The following BMP2K variants were observed in gnomAD, a reference collection of about 807,000 sequenced individuals.
The protein encoded by BMP2K is BMP2 inducible kinase.
BMP2K carries 74 observed loss-of-function variants against 116.0 expected under a neutral mutation model. The observed-to-expected ratio is 0.64, with a 90% CI of 0.53 to 0.77. BMP2K has a LOEUF of 0.77. Ranked by LOEUF, BMP2K falls within the 30% of genes least tolerant of loss-of-function variation. The pLI, the probability that BMP2K is intolerant of heterozygous loss-of-function variation, is 0.00. For missense variants in BMP2K, 1,365 were observed against 1,403.6 expected (o/e 0.97, Z 0.44); for synonymous variants, 486 against 502.5 (o/e 0.97, Z 0.44).
At chr4:78,871,485 G>A (rs984081960) in intron 11 of BMP2K, among the ~76,000 whole-genome samples, 1 of 152,144 alleles carries the variant, frequency 6.6e-6, no homozygotes, top group Non-Finnish European at 1.5e-5. Flanking sequence ...TAGTAAGTAG[G>A]TGGTACCATG....
At chr4:78,893,780 G>A (rs1012578286) in intron 15 of BMP2K, among the ~76,000 whole-genome samples, 6 of 152,122 alleles carry the variant, frequency 3.9e-5, no homozygotes, top group African/African-American at 7.2e-5. Flanking sequence ...GCCCAGGTTC[G>A]TCTTGAACTC....
intron 14 of BMP2K, among the ~76,000 whole-genome samples, chr4:78,886,387 C>A (rs916309860): frequency 6.6e-6 from 1 of 152,176 alleles, no homozygotes; most frequent in African/African-American, 2.4e-5. Context: ...TCCTCAATTC[C>A]TGTTTCCCTG....
chr4:78,800,858 T>C (rs1019479511), intron 1 of BMP2K, among the ~76,000 whole-genome samples: 7 of 152,180 alleles, frequency 4.6e-5, no homozygotes, highest in African/African-American at 1.7e-4. Context: ...CAAATGTAAA[T>C]ACCGAAATTG....
At position 78,785,265 on chromosome 4, in the gene BMP2K, C is replaced by G. The variant is rs1727678478; in HGVS notation, c.178+8544C>G. 2.6e-5 allele frequency among the ~76,000 whole-genome samples: 4 copies of G among 152,024 alleles called. No individual in the cohort carries two copies. In the South Asian group the frequency reaches 8.3e-4, roughly 32 times the overall value. On this transcript the variant is annotated intron_variant, in intron 1 of 15. Transcript: ENST00000502613. ...AGCTGGGATTACAGGTTCTTGCCACCACACCTGGCTAATTTTTGTATTTTT... is the reference window on the plus strand; with the variant it reads ...AGCTGGGATTACAGGTTCTTGCCACGACACCTGGCTAATTTTTGTATTTTT...
intron 4 of BMP2K, among the ~76,000 whole-genome samples, chr4:78,843,370 A>G (rs1730850536): frequency 6.6e-6 from 1 of 151,280 alleles, no homozygotes; most frequent in Non-Finnish European, 1.5e-5. Context: ...TATGCCTATT[A>G]TTTATTTCCT....
At chr4:78,909,356 A>G (rs1734458001) in intron 15 of BMP2K, among the ~76,000 whole-genome samples, 1 of 84,058 alleles carries the variant, frequency 1.2e-5, no homozygotes, top group African/African-American at 4.2e-5. Flanking sequence ...TTTTCTATAG[A>G]GCAGTCATTT....
intron 15 of BMP2K, among the ~76,000 whole-genome samples, chr4:78,895,799 T>A (rs541410163): frequency 1.5e-3 from 221 of 152,280 alleles, no homozygotes; most frequent in African/African-American, 5.1e-3. Flanking sequence ...TTTTGCTTTT[T>A]TGCCCAGGCT....
chr4:78,825,717 G>A lies in BMP2K; in HGVS notation c.179-320G>A, dbSNP rs867446689. On this transcript the variant is annotated intron_variant, in intron 1 of 15. Coordinates refer to ENST00000502613, the MANE Select transcript of BMP2K (RefSeq NM_198892.2). ...GATTCTGATATGTAGGCAGTCACTT[G>A]TATATACCAAACTTTAGTAACATAA... Among the ~76,000 whole-genome samples, 8 of 152,188 alleles carry A rather than the reference G, an allele frequency of 5.3e-5. No individual in the cohort carries two copies. In the South Asian group the frequency reaches 6.2e-4, roughly 12 times the overall value.
rs1222694759 is a variant in BMP2K, at chr4:78,887,175, T to C, written c.1953T>C (p.Asn651=). The C allele has an allele frequency of 1.9e-6, 3 of 1,587,888 alleles. No homozygotes were observed. The highest frequency in any genetic ancestry group is 2.6e-6 in the Non-Finnish European group (3 of 1,164,694). ...LDREFDLLRS[N]RLEERASSDK... is the part of the protein sequence containing the mutation. Reference sequence around the variant, plus strand: ...TTTCGTTTCATCTTATTTTTGCAGATAGGCTCGAGGAGAGAGCATCCTCAG... The same window carrying C: ...TTTCGTTTCATCTTATTTTTGCAGACAGGCTCGAGGAGAGAGCATCCTCAG... Residue 651 remains asparagine, a splice_region_variant and synonymous_variant, in exon 15 of 16, where the codon AAT becomes AAC. Transcript: ENST00000502613.
chr4:78,820,632 C>T (rs746264226), intron 1 of BMP2K: 4 of 153,166 alleles, frequency 2.6e-5, no homozygotes, highest in African/African-American at 7.2e-5. Context: ...AGTGCAATGG[C>T]GTGATCGTGG....
chr4:78,908,921 G>A (rs1180979291), intron 15 of BMP2K, among the ~76,000 whole-genome samples: 1 of 151,946 alleles, frequency 6.6e-6, no homozygotes, highest in African/African-American at 2.4e-5. Flanking sequence ...CATCCACCAA[G>A]AGTTTTCAAT....
chr4:78,911,126 C>T lies in BMP2K; in HGVS notation c.2579C>T (p.Ala860Val). ...TPKQEFDVFGAVPFFAVRAQQ... is the reference protein window; with the variant it reads ...TPKQEFDVFGVVPFFAVRAQQ... ...AAACAGGAGTTTGATGTATTTGGCGCTGTCCCCTTCTTTGCAGTGCGTGCT... is the reference window on the plus strand; with the variant it reads ...AAACAGGAGTTTGATGTATTTGGCGTTGTCCCCTTCTTTGCAGTGCGTGCT... Residue 860 changes from alanine to valine, a missense_variant, in exon 16 of 16, where the codon GCT becomes GTT. Coordinates refer to ENST00000502613, the MANE Select transcript of BMP2K (RefSeq NM_198892.2). The T allele has an allele frequency of 1.2e-6, 2 of 1,614,000 alleles. No homozygotes were observed. Among genetic ancestry groups the T allele is most frequent in the South Asian group, 1.1e-5 (1 of 91,090 alleles).
chr4:78,813,272 C>T (rs1560511294), intron 1 of BMP2K, among the ~76,000 whole-genome samples: 1 of 152,176 alleles, frequency 6.6e-6, no homozygotes, highest in Non-Finnish European at 1.5e-5. Context: ...CACTAATTCC[C>T]ACTGCCCTGA....
At chr4:78,795,324 C>T (rs1179839831) in intron 1 of BMP2K, among the ~76,000 whole-genome samples, 1 of 152,132 alleles carries the variant, frequency 6.6e-6, no homozygotes, top group African/African-American at 2.4e-5. Flanking sequence ...AATTATCTAA[C>T]TGTTGTGAGA....
chr4:78,831,198 C>G (rs181245296), intron 2 of BMP2K, among the ~76,000 whole-genome samples: 1 of 152,286 alleles, frequency 6.6e-6, no homozygotes, highest in Admixed American at 6.5e-5. Flanking sequence ...TTATTAAGTT[C>G]ACTGTGTTAT....
At chr4:78,905,242 G>C (rs1734228845) in intron 15 of BMP2K, among the ~76,000 whole-genome samples, 1 of 151,814 alleles carries the variant, frequency 6.6e-6, no homozygotes, top group South Asian at 2.1e-4. Context: ...TGCATAATTA[G>C]TAAACTTGCT....
intron 1 of BMP2K, 45 bp downstream of exon 1, chr4:78,776,766 TG>T: frequency 8.1e-7 from 1 of 1,235,558 alleles, no homozygotes; most frequent in African/African-American, 1.5e-5. Context: ...GAGGGAGGGT[TG>T]GGGTGTGGCG....
chr4:78,867,540 AT>A (rs556297352), intron 10 of BMP2K, among the ~76,000 whole-genome samples: 3,279 of 151,422 alleles, frequency 0.022, 108 homozygotes, highest in African/African-American at 0.073. Flanking sequence ...CAATAAGTGC[AT>A]TTTTTTTTAA....
intron 14 of BMP2K, among the ~76,000 whole-genome samples, chr4:78,880,217 C>T (rs1732831131): frequency 6.6e-6 from 1 of 152,180 alleles, no homozygotes; most frequent in South Asian, 2.1e-4. Flanking sequence ...GGATTACAGG[C>T]ATGTGCCACC....
Sources: gnomAD v4.1 joint callset for allele counts (sites outside exome capture counted in the v4.1 genomes callset) on GRCh38, gnomAD v4.1.1 for gene constraint, MANE v1.5 for transcripts, NCBI Gene and HGNC (gene_info 2026-07-23, HGNC 2026-07-21) for gene names.